The following VWA8 variants were observed in gnomAD, a reference collection of about 807,000 sequenced individuals.
The protein encoded by VWA8 is von Willebrand factor A domain containing 8.
Under a neutral mutation model 241.5 loss-of-function variants are expected in VWA8, and 221 were observed. The ratio of observed to expected loss-of-function variants is 0.91; its 90% CI spans 0.82 to 1.02. The LOEUF is 1.02. Ranked by LOEUF, VWA8 falls within the 50% of genes least tolerant of loss-of-function variation. The pLI, the probability that VWA8 is intolerant of heterozygous loss-of-function variation, is 0.00. For missense variants in VWA8, 2,322 were observed against 2,328.7 expected (o/e 1.00, Z 0.06); for synonymous variants, 852 against 827.1 (o/e 1.03, Z -0.52).
chr13:41,582,436 TACAG>T (rs968772710), intron 42 of VWA8, among the ~76,000 whole-genome samples: 1 of 151,954 alleles, frequency 6.6e-6, no homozygotes, highest in African/African-American at 2.4e-5. Flanking sequence ...TCAAAGCAAA[TACAG>T]ACCAGACACC....
intron 12 of VWA8, chr13:41,864,672 G>C (rs368979019): frequency 2.4e-6 from 1 of 414,330 alleles, no homozygotes; most frequent in East Asian, 7.4e-5. Context: ...GGTCTGAGAG[G>C]GAAAGAAAAA....
At chr13:41,841,856 TATAA>T (rs1250164295) in intron 12 of VWA8, among the ~76,000 whole-genome samples, 946 of 68,202 alleles carry the variant, frequency 0.014, 34 homozygotes, top group African/African-American at 0.04. Flanking sequence ...TATATATATA[TATAA>T]AAACAGTAGA....
chr13:41,863,419 GTGTGTGTGTGTGTGTATA>G lies in VWA8; in HGVS notation c.1425+2299_1425+2316del, dbSNP rs1182105305. ...TTTGTGTGTGTGTGTGTGTGTGTGT[GTGTGTGTGTGTGTGTATA>G]TATATATATATATATATTCACACAC... On this transcript the variant is annotated intron_variant, in intron 12 of 44. Coordinates refer to ENST00000379310, the MANE Select transcript of VWA8 (RefSeq NM_015058.2). Among the ~76,000 whole-genome samples the G allele has an allele frequency of 8.6e-5, 6 of 70,098 alleles. 2 individuals carry two copies. The South Asian group carries it at 2.4e-3, about 28-fold the overall frequency. 46.0% of individuals were successfully genotyped at this position (70,098 alleles called of 152,430 possible). A position where few individuals can be genotyped will look rare whatever the true frequency, so the allele number is the denominator to read the frequency against.
intron 21 of VWA8, among the ~76,000 whole-genome samples, chr13:41,757,092 C>T: frequency 6.6e-6 from 1 of 151,496 alleles, no homozygotes. Context: ...CATTATATTT[C>T]CAACTTTATC....
rs573822383 is a variant in VWA8, at chr13:41,605,227, A to G, written c.4927T>C (p.Phe1643Leu). 5.6e-6 allele frequency: 9 copies of G among 1,613,012 alleles called. No homozygotes were observed. The East Asian group carries it at 2.0e-4, about 36-fold the overall frequency. Reference sequence around the variant, plus strand: ...ACCTGTCGCCGAACAGCACCTGAAAACCTTTCATAGGTTGCAGCATCGTAT... The same window carrying G: ...ACCTGTCGCCGAACAGCACCTGAAAGCCTTTCATAGGTTGCAGCATCGTAT... ...SEYDAATYER[F>L]SGAVRRQVHS... The change falls in exon 40 of 45, where the codon TTT (phenylalanine) becomes CTT (leucine). Residue 1643 changes from phenylalanine to leucine, a missense_variant. Physicochemically the swap from Phe to Leu is conservative, Grantham distance 22. Coordinates refer to ENST00000379310, the MANE Select transcript of VWA8 (RefSeq NM_015058.2).
chr13:41,920,261 C>T (rs1331690495), intron 2 of VWA8, among the ~76,000 whole-genome samples: 1 of 152,112 alleles, frequency 6.6e-6, no homozygotes, highest in Non-Finnish European at 1.5e-5. Flanking sequence ...TTCCCTGGGG[C>T]CTGAACCTTT....
intron 21 of VWA8, among the ~76,000 whole-genome samples, chr13:41,755,038 T>C (rs1293340242): frequency 6.6e-6 from 1 of 152,094 alleles, no homozygotes; most frequent in Non-Finnish European, 1.5e-5. Flanking sequence ...TTCTTCCAAA[T>C]CTTGGCTATT....
Position 41,924,439 on chromosome 13 carries a change from C to CG in VWA8, c.242-12272dup, listed in dbSNP as rs548860738. Among the ~76,000 whole-genome samples, 201 of 109,320 alleles carry CG rather than the reference C, an allele frequency of 1.8e-3. 1 individual carries two copies. Among genetic ancestry groups the CG allele is most frequent in the African/African-American group, 6.8e-3 (184 of 27,186 alleles). 71.7% of individuals were successfully genotyped at this position (109,320 alleles called of 152,430 possible). A position where few individuals can be genotyped will look rare whatever the true frequency, so the allele number is the denominator to read the frequency against. ...GGAGAGGAGATGAAGGAAGGAAAAGCGGGGGGAAGGGAGGAAGGAAGAAAG... is the reference window on the plus strand; with the variant it reads ...GGAGAGGAGATGAAGGAAGGAAAAGCGGGGGGGAAGGGAGGAAGGAAGAAAG... On this transcript the variant is annotated intron_variant, in intron 2 of 44. Transcript: ENST00000379310.
chr13:41,959,493 C>CAAAAAAAAAAAAAAAAAAAA (rs59960898), intron 1 of VWA8, among the ~76,000 whole-genome samples: 1 of 76,472 alleles, frequency 1.3e-5, no homozygotes, highest in East Asian at 3.7e-4. Flanking sequence ...TGAGAAAAAG[C>CAAAAAAAAAAAAAAAAAAAA]AAAAAAAAAA....
intron 17 of VWA8, among the ~76,000 whole-genome samples, chr13:41,794,257 T>C (rs1212830802): frequency 1.3e-5 from 2 of 152,198 alleles, no homozygotes; most frequent in Non-Finnish European, 2.9e-5. Flanking sequence ...TAATTCTTCT[T>C]ATCCATGAGT....
chr13:41,905,908 G>A lies in VWA8; in HGVS notation c.483+1678C>T, dbSNP rs147171270. On this transcript the variant is annotated intron_variant, in intron 4 of 44. Coordinates refer to ENST00000379310, the MANE Select transcript of VWA8 (RefSeq NM_015058.2). Reference sequence around the variant, plus strand: ...AATGCCAGATCTCATCATTGTAAAGGTACATTATTTTTTCCCATTTGTAAT... The same window carrying A: ...AATGCCAGATCTCATCATTGTAAAGATACATTATTTTTTCCCATTTGTAAT... 2.3e-4 allele frequency among the ~76,000 whole-genome samples: 35 copies of A among 152,146 alleles called. No individual in the cohort carries two copies. The East Asian group carries it at 6.5e-3, about 28-fold the overall frequency.
intron 35 of VWA8, among the ~76,000 whole-genome samples, chr13:41,678,624 C>T (rs1386997346): frequency 6.6e-6 from 1 of 152,234 alleles, no homozygotes; most frequent in African/African-American, 2.4e-5. Flanking sequence ...AGTTGAGCTA[C>T]TGCCATCAGC....
intron 9 of VWA8, among the ~76,000 whole-genome samples, chr13:41,871,800 T>C (rs1288940382): frequency 1.3e-5 from 2 of 152,228 alleles, no homozygotes; most frequent in African/African-American, 2.4e-5. Context: ...GCATGATTTA[T>C]AGTCCTTTGG....
chr13:41,616,413 AC>A (rs772482662), intron 37 of VWA8, among the ~76,000 whole-genome samples: 2 of 152,346 alleles, frequency 1.3e-5, no homozygotes, highest in Non-Finnish European at 2.9e-5. Context: ...TAAATTCCAC[AC>A]ACATAATCAT....
At chr13:41,768,521 G>T (rs1419454723) in intron 20 of VWA8, among the ~76,000 whole-genome samples, 1 of 152,060 alleles carries the variant, frequency 6.6e-6, no homozygotes, top group Non-Finnish European at 1.5e-5. Context: ...TGCTTAGTTG[G>T]CATTAAACAT....
intron 37 of VWA8, among the ~76,000 whole-genome samples, chr13:41,653,219 T>C (rs535056202): frequency 1.1e-4 from 16 of 152,266 alleles, no homozygotes; most frequent in Non-Finnish European, 1.8e-4. Flanking sequence ...CTGCCTGTTA[T>C]AAATTAATGT....
chr13:41,756,749 T>G (rs2045697351), intron 21 of VWA8, among the ~76,000 whole-genome samples: 1 of 151,662 alleles, frequency 6.6e-6, no homozygotes, highest in Admixed American at 6.6e-5. Flanking sequence ...AGAAAAAAAG[T>G]TTTTTCCTTA....
intron 20 of VWA8, among the ~76,000 whole-genome samples, chr13:41,766,384 A>G (rs2045779381): frequency 6.6e-6 from 1 of 152,210 alleles, no homozygotes; most frequent in African/African-American, 2.4e-5. Flanking sequence ...ACAGGCAAAG[A>G]GAAAATTAGT....
At chr13:41,940,496 C>T (rs1001384947) in intron 2 of VWA8, among the ~76,000 whole-genome samples, 3 of 150,946 alleles carry the variant, frequency 2.0e-5, no homozygotes, top group Admixed American at 6.6e-5. Context: ...AATCAAGCAA[C>T]AGCCACAGTG....
Sources: gnomAD v4.1 joint callset for allele counts (sites outside exome capture counted in the v4.1 genomes callset) on GRCh38, gnomAD v4.1.1 for gene constraint, MANE v1.5 for transcripts, NCBI Gene and HGNC (gene_info 2026-07-23, HGNC 2026-07-21) for gene names.